SCAP: variants seen among roughly 807,000 people sequenced by gnomAD.
SCAP encodes sterol regulatory element-binding protein cleavage-activating protein.
Under a neutral mutation model 123.6 loss-of-function variants are expected in SCAP, and 65 were observed. The observed-to-expected ratio is 0.53, with a 90% CI of 0.43 to 0.65. The LOEUF (loss-of-function observed/expected upper bound fraction) is 0.65. SCAP is among the 30% of genes least tolerant of loss of function. The pLI is 0.00. For synonymous variants in SCAP, 740 were observed against 726.3 expected (o/e 1.02, Z -0.30); for missense variants, 1,398 against 1,712.5 (o/e 0.82, Z 3.24).
chr3:47,440,996 G>A (rs1328381646), intron 2 of SCAP, among the ~76,000 whole-genome samples: 1 of 151,930 alleles, frequency 6.6e-6, no homozygotes, highest in Non-Finnish European at 1.5e-5. Context: ...CCGTCTCCCG[G>A]GTTCAAGTGA....
chr3:47,475,978 GC>G (rs1178977366), upstream of SCAP: 1 of 151,936 alleles, frequency 6.6e-6, no homozygotes, highest in African/African-American at 2.4e-5. Flanking sequence ...TTACCCTCCC[GC>G]CCCGCCGCCC....
In SCAP at chr3:47,443,306, T is replaced by TCTCTCTCC. The variant is rs1553646919; in HGVS notation, c.-98-216_-98-215insGGAGAGAG. The TCTCTCTCC allele has an allele frequency of 5.3e-4, 51 of 95,976 alleles. 1 individual carries two copies. Among genetic ancestry groups the TCTCTCTCC allele is most frequent in the African/African-American group, 1.5e-3 (32 of 20,790 alleles). 5.9% of individuals were successfully genotyped at this position (95,976 alleles called of 1,614,324 possible). A position where few individuals can be genotyped will look rare whatever the true frequency, so the allele number is the denominator to read the frequency against. On this transcript the variant is annotated intron_variant, in intron 1 of 22. Coordinates refer to ENST00000265565, the MANE Select transcript of SCAP (RefSeq NM_012235.4). ...CTCTCTCTCTCTCTCTCTCTCTCTC[T>TCTCTCTCC]CTCTCCCTCCCCGCCCAACTCCCTC...
At chr3:47,452,926 C>A (rs1707277986) in intron 1 of SCAP, among the ~76,000 whole-genome samples, 1 of 145,130 alleles carries the variant, frequency 6.9e-6, no homozygotes, top group African/African-American at 2.5e-5. Flanking sequence ...CCTGTCTCTA[C>A]AAAAAAAAAA....
chr3:47,423,088 A>G (rs1357899468), intron 9 of SCAP, among the ~76,000 whole-genome samples: 2 of 152,176 alleles, frequency 1.3e-5, no homozygotes, highest in Non-Finnish European at 2.9e-5. Flanking sequence ...TCCTAACTCC[A>G]TATCCAGCAC....
chr3:47,447,091 C>T (rs1238539675), intron 1 of SCAP, among the ~76,000 whole-genome samples: 3 of 152,132 alleles, frequency 2.0e-5, no homozygotes, highest in Admixed American at 2.0e-4. Context: ...CATTGAATTG[C>T]TTGGCATCTT....
rs1705842263 is a variant in SCAP, at chr3:47,420,479, C to T, written c.1563+75G>A. ...GGAATACCCTTTGCCACTCTAAGGC[C>T]AAGTGCAGCACCACAAGGGGCCTGG... On this transcript the variant is annotated intron_variant, in intron 12 of 22. Transcript: ENST00000265565. The surrounding 1 kb of genome is among the most constrained non-coding windows in gnomAD (Gnocchi z 5.0). 1 of 1,352,320 alleles carries T rather than the reference C, an allele frequency of 7.4e-7. No homozygotes were observed. Among genetic ancestry groups the T allele is most frequent in the Admixed American group, 2.4e-5 (1 of 41,492 alleles). The allele number at this position is 1,352,320 out of a possible 1,614,324, so 83.8% of individuals were successfully genotyped here. A position where few individuals can be genotyped will look rare whatever the true frequency, so the allele number is the denominator to read the frequency against.
chr3:47,437,316 G>A (rs1176269051), intron 2 of SCAP, among the ~76,000 whole-genome samples: 2 of 146,706 alleles, frequency 1.4e-5, no homozygotes, highest in Non-Finnish European at 3.0e-5. Context: ...GCGTATGCCT[G>A]TAATCCCAGC....
intron 1 of SCAP, among the ~76,000 whole-genome samples, chr3:47,454,449 A>C (rs2107966891): frequency 6.6e-6 from 1 of 151,866 alleles, no homozygotes; most frequent in South Asian, 2.1e-4. Context: ...ATATTAGGCC[A>C]GGCACGGTGG....
intron 9 of SCAP, 156 bp from the exon 10 acceptor site, chr3:47,422,692 G>A: frequency 1.7e-6 from 1 of 576,048 alleles, no homozygotes; most frequent in South Asian, 2.3e-5. Flanking sequence ...TCAGGGTCCT[G>A]CTAATGCCCA....
Position 47,418,411 on chromosome 3 carries a change from CCGCCCGG to C in SCAP, c.2234_2240del (p.Pro745ArgfsTer44), listed in dbSNP as rs763611933. 12 of 1,576,480 alleles carry C rather than the reference CCGCCCGG, an allele frequency of 7.6e-6. No homozygotes were observed. Among genetic ancestry groups the C allele is most frequent in the African/African-American group, 5.4e-5 (4 of 74,264 alleles). The stretch of plus-strand genomic sequence containing the variant: ...CGCAGGGCAGCTCCCCGCGCCTCCG[CCGCCCGG>C]GCCCACCACCCAGCTGCCCGTAGTT... On this transcript the variant is annotated frameshift_variant, in exon 15 of 23. Coordinates refer to ENST00000265565, the MANE Select transcript of SCAP (RefSeq NM_012235.4). LOFTEE classifies it high-confidence loss of function.
rs1707464555 is a variant in SCAP, at chr3:47,457,331, G to GGAA, written c.-98-14243_-98-14241dup. On this transcript the variant is annotated intron_variant, in intron 1 of 22. Coordinates refer to ENST00000265565, the MANE Select transcript of SCAP (RefSeq NM_012235.4). ...AAAAATAATGAGCAAAGTTTCCTGT[G>GGAA]GAAGCAGCAGCCCTCTTCTCTGAGC... Among the ~76,000 whole-genome samples the GGAA allele has an allele frequency of 1.3e-5, 2 of 152,160 alleles. 1 individual carries two copies. The highest frequency in any genetic ancestry group is 4.1e-4 in the South Asian group (2 of 4,824).
intron 21 of SCAP, 46 bp downstream of exon 21, chr3:47,414,526 T>G: frequency 6.2e-7 from 1 of 1,608,382 alleles, no homozygotes; most frequent in South Asian, 1.1e-5. Flanking sequence ...TCAGCAAACA[T>G]GGGCCACAGA....
At chr3:47,468,473 G>A (rs1243384190) in intron 1 of SCAP, among the ~76,000 whole-genome samples, 2 of 150,346 alleles carry the variant, frequency 1.3e-5, no homozygotes, top group Non-Finnish European at 3.0e-5. Flanking sequence ...GGCCAGTGAC[G>A]ACAAGCATTT....
At chr3:47,435,267 A>G in intron 2 of SCAP, 130 bp from the exon 3 acceptor site, 1 of 1,050,774 alleles carries the variant, frequency 9.5e-7, no homozygotes, top group Non-Finnish European at 1.3e-6. Flanking sequence ...AAATATTAGA[A>G]TCACAAAATT....
In SCAP at chr3:47,417,404, G is replaced by T. The variant is rs866252133; in HGVS notation, c.2870C>A (p.Ser957Tyr). The T allele has an allele frequency of 3.8e-6, 6 of 1,583,872 alleles. No homozygotes were observed. Among genetic ancestry groups the T allele is most frequent in the Non-Finnish European group, 3.4e-6 (4 of 1,166,644 alleles). The change falls in exon 17 of 23, where the codon TCC becomes TAC. Residue 957 changes from serine to tyrosine, a missense_variant. Transcript: ENST00000265565. The stretch of plus-strand genomic sequence containing the variant: ...ACTGGGGGCCCAGGCGAGGGAAGGG[G>T]AGCCTTTCTCGGGGGAGCCACCCTC... The part of the protein sequence containing the change: ...EDEGGSPEKG[S>Y]PSLAWAPSAE...
chr3:47,460,711 C>G (rs1273922939), intron 1 of SCAP, among the ~76,000 whole-genome samples: 1 of 152,146 alleles, frequency 6.6e-6, no homozygotes, highest in Non-Finnish European at 1.5e-5. Context: ...GTGCCTGCCA[C>G]TGTGCCCAGC....
At position 47,419,248 on chromosome 3, in the gene SCAP, T is replaced by C; in HGVS notation, c.1940+80A>G. The C allele has an allele frequency of 1.3e-6, 2 of 1,502,712 alleles. No homozygotes were observed. Among genetic ancestry groups the C allele is most frequent in the South Asian group, 2.6e-5 (2 of 77,438 alleles). The allele number at this position is 1,502,712 out of a possible 1,614,324, so 93.1% of individuals were successfully genotyped here. ...TTTAATTATTTGCATAATTCAAACC[T>C]GTGGGCCTCCTGCATTGGGGAAAGG... On this transcript the variant is annotated intron_variant, in intron 13 of 22. Transcript: ENST00000265565. This position sits in a 1 kb window ranked among gnomAD's most constrained non-coding sequence, Gnocchi z 5.0.
intron 2 of SCAP, among the ~76,000 whole-genome samples, chr3:47,438,596 G>A (rs544672892): frequency 1.4e-4 from 21 of 151,944 alleles, no homozygotes; most frequent in Non-Finnish European, 2.2e-4. Context: ...GGTGGGTCAC[G>A]TGAGGTCAGG....
rs545156613 is a variant in SCAP, at chr3:47,417,492, C to T, written c.2782G>A (p.Val928Ile). Residue 928 changes from valine to isoleucine, a missense_variant, in exon 17 of 23, where the codon GTC becomes ATC. Val to Ile is a conservative substitution (Grantham distance 29). Coordinates refer to ENST00000265565, the MANE Select transcript of SCAP (RefSeq NM_012235.4). ...GGTGGGCGCAGGGCTGGTGTGCAGACGGCCGCCAGCCCCTCCTCCTGGTAC... is the reference window on the plus strand; with the variant it reads ...GGTGGGCGCAGGGCTGGTGTGCAGATGGCCGCCAGCCCCTCCTCCTGGTAC... The part of the protein sequence containing the change: ...RVYQEEGLAA[V>I]CTPALRPPSP... 4.8e-5 allele frequency: 74 copies of T among 1,551,156 alleles called. No individual in the cohort carries two copies. The highest frequency in any genetic ancestry group is 2.1e-4 in the South Asian group (18 of 84,234).
Sources: allele counts gnomAD v4.1 joint callset (sites outside exome capture counted in the v4.1 genomes callset), GRCh38; gene constraint gnomAD v4.1.1; non-coding constraint Gnocchi (gnomAD v3.1); transcripts MANE v1.5; gene names NCBI Gene and HGNC (gene_info 2026-07-23, HGNC 2026-07-21).